ERICH2: variants seen among roughly 807,000 people sequenced by gnomAD.
ERICH2 encodes glutamate-rich protein 2.
A neutral mutation model predicts 17.4 loss-of-function variants in ERICH2; 17 were observed. The observed-to-expected ratio is 0.98, with a 90% CI of 0.67 to 1.47. The LOEUF (loss-of-function observed/expected upper bound fraction) is 1.47, where lower values mean the gene tolerates loss of function less well. ERICH2 is among the 40% of genes most tolerant of loss of function. The pLI is 0.00. For synonymous variants in ERICH2, 51 were observed against 61.1 expected, an observed-to-expected ratio of 0.83 and a Z score of 0.77; for missense variants, 186 against 183.2, an observed-to-expected ratio of 1.01 and a Z score of -0.09.
chr2:170,773,689 T>A, the ERICH2 span, among the ~76,000 whole-genome samples: 1 of 152,196 alleles, frequency 6.6e-6, no homozygotes, highest in Non-Finnish European at 1.5e-5. Flanking sequence ...ATATGTGACA[T>A]GTAGTAGGTG....
the ERICH2 span, among the ~76,000 whole-genome samples, chr2:170,773,210 G>A: frequency 6.6e-6 from 1 of 152,138 alleles, no homozygotes. Flanking sequence ...TTTGGGAAAG[G>A]GTGGTTATCA....
intron 3 of ERICH2, among the ~76,000 whole-genome samples, chr2:170,795,721 A>T (rs1015558076): frequency 1.3e-5 from 2 of 152,208 alleles, no homozygotes; most frequent in African/African-American, 4.8e-5. Context: ...CTCATGAGTG[A>T]CTATGAGATT....
At chr2:170,790,934 C>T (rs181332950) in intron 2 of ERICH2, among the ~76,000 whole-genome samples, 2 of 151,188 alleles carry the variant, frequency 1.3e-5, no homozygotes, top group East Asian at 1.9e-4. Flanking sequence ...GAAAGAATGA[C>T]AATAAATGAA....
intron 3 of ERICH2, among the ~76,000 whole-genome samples, chr2:170,796,407 G>A (rs1229272406): frequency 1.3e-4 from 16 of 127,842 alleles, no homozygotes; most frequent in Admixed American, 7.2e-4. Flanking sequence ...ATCCACAATG[G>A]TTATCTCTCT....
chr2:170,790,478 T>C (rs1701262559), intron 2 of ERICH2, among the ~76,000 whole-genome samples: 1 of 152,140 alleles, frequency 6.6e-6, no homozygotes, highest in Admixed American at 6.5e-5. Context: ...ACTACAAAAA[T>C]TAGCCAGGCA....
At chr2:170,783,991 T>C in intron 1 of ERICH2, 1 of 1,319,776 alleles carries the variant, frequency 7.6e-7, no homozygotes. Flanking sequence ...TACCTTTTTT[T>C]GTTGTTGTTG....
upstream of ERICH2, among the ~76,000 whole-genome samples, chr2:170,779,369 T>C (rs1242545234): frequency 6.6e-6 from 1 of 152,180 alleles, no homozygotes; most frequent in East Asian, 1.9e-4. Flanking sequence ...CTAGTTTTTG[T>C]ATTTTTCACT....
chr2:170,791,128 A>C (rs934834463), intron 2 of ERICH2, among the ~76,000 whole-genome samples: 11 of 152,206 alleles, frequency 7.2e-5, no homozygotes, highest in Admixed American at 2.6e-4. Context: ...AATAGGAAAG[A>C]AAATGAAAAT....
chr2:170,786,467 GATGTGCCT>G (rs1290359056), intron 2 of ERICH2, among the ~76,000 whole-genome samples: 1 of 151,860 alleles, frequency 6.6e-6, no homozygotes, highest in African/African-American at 2.4e-5. Flanking sequence ...ATTTAATTAT[GATGTGCCT>G]AGGTGTGGTT....
exon 5 of ERICH2, chr2:170,798,814 G>A (rs1295124814): frequency 1.3e-6 from 2 of 1,550,726 alleles, no homozygotes; most frequent in South Asian, 2.4e-5. Flanking sequence ...CAGTGATGAA[G>A]ACAGCAGTGG....
At chr2:170,779,515 T>A (rs1700979646), upstream of ERICH2, among the ~76,000 whole-genome samples, 2 of 152,220 alleles carry the variant, frequency 1.3e-5, no homozygotes, top group Admixed American at 1.3e-4. Flanking sequence ...CCCAGCAAAT[T>A]GCTTGTAGTT....
chr2:170,773,641 G>T, the ERICH2 span, among the ~76,000 whole-genome samples: 1 of 152,190 alleles, frequency 6.6e-6, no homozygotes, highest in Non-Finnish European at 1.5e-5. Context: ...TCAAAGTAGA[G>T]TATCTTCATC....
chr2:170,783,831 G>T (rs1701083828), exon 1 of ERICH2: 1 of 1,550,528 alleles, frequency 6.4e-7, no homozygotes, highest in Non-Finnish European at 8.7e-7. Flanking sequence ...CAGGGTGGTT[G>T]TGAGCTGATG....
intron 2 of ERICH2, among the ~76,000 whole-genome samples, chr2:170,788,895 CTT>C (rs1472472035): frequency 6.6e-6 from 1 of 152,036 alleles, no homozygotes; most frequent in Non-Finnish European, 1.5e-5. Context: ...TTATCTTTCT[CTT>C]TTGATAGGAG....
chr2:170,782,757 C>G (rs932692714), upstream of ERICH2, among the ~76,000 whole-genome samples: 1 of 152,132 alleles, frequency 6.6e-6, no homozygotes, highest in Non-Finnish European at 1.5e-5. Flanking sequence ...AGTTTACATT[C>G]TAGTAGAAGT....
the ERICH2 span, among the ~76,000 whole-genome samples, chr2:170,772,927 T>G: frequency 6.6e-6 from 1 of 152,250 alleles, no homozygotes; most frequent in Non-Finnish European, 1.5e-5. Context: ...TGTAATGTCT[T>G]CCAATATTAC....
rs79857112 is a variant in ERICH2 at position 170,798,950 on chromosome 2, T to A, written c.*56T>A. 7.2e-4 allele frequency: 1,098 copies of A among 1,524,278 alleles called. 10 individuals are homozygous for A. The African/African-American group carries it at 0.013, about 19-fold the overall frequency. The allele number at this position is 1,524,278 out of a possible 1,614,324, so 94.4% of individuals were successfully genotyped here. On this transcript the variant is annotated 3_prime_UTR_variant, in exon 5 of 5. Coordinates refer to ENST00000409885, the Ensembl canonical transcript of ERICH2. Reference sequence around the variant, plus strand: ...TTTTCATTAATGTATACCATGCAAATATAAAGACAAGTGACATTTTAGTCT... The same window carrying A: ...TTTTCATTAATGTATACCATGCAAAAATAAAGACAAGTGACATTTTAGTCT...
chr2:170,785,274 T>C (rs1332021718), intron 2 of ERICH2, among the ~76,000 whole-genome samples: 12 of 152,102 alleles, frequency 7.9e-5, no homozygotes, highest in Admixed American at 7.9e-4. Flanking sequence ...TAAACATTTT[T>C]AAAAATTAAT....
chr2:170,794,108 T>TTC (rs1553568620), intron 3 of ERICH2, among the ~76,000 whole-genome samples: 15 of 127,856 alleles, frequency 1.2e-4, no homozygotes, highest in African/African-American at 4.4e-4. Context: ...TTTCTTTCTT[T>TTC]TTTTTTTTTT....
Sources: allele counts gnomAD v4.1 joint callset (sites outside exome capture counted in the v4.1 genomes callset), GRCh38; gene constraint gnomAD v4.1.1; transcripts MANE v1.5; gene names NCBI Gene and HGNC (gene_info 2026-07-23, HGNC 2026-07-21).